Variants in PLCB1 observed in about 807,000 individuals in gnomAD.
PLCB1 encodes the protein phospholipase C beta 1.
Under a neutral mutation model 161.8 loss-of-function variants are expected in PLCB1, and 46 were observed. That is an observed-to-expected ratio of 0.28 (90% CI 0.22 to 0.36). The LOEUF is 0.36. PLCB1 is among the 10% of genes least tolerant of loss of function. The pLI is 1.00. For synonymous variants in PLCB1, 517 were observed against 503.7 expected (o/e 1.03, Z -0.35); for missense variants, 1,016 against 1,472.5 (o/e 0.69, Z 5.07).
chr20:8,591,590 G>C (rs1987152374), intron 3 of PLCB1, among the ~76,000 whole-genome samples: 2 of 152,130 alleles, frequency 1.3e-5, no homozygotes, highest in South Asian at 4.1e-4. Context: ...ACGGAGCAAA[G>C]GTGTCAGTAA....
chr20:8,814,250 T>C (rs1302985416), intron 31 of PLCB1, among the ~76,000 whole-genome samples: 4 of 152,180 alleles, frequency 2.6e-5, no homozygotes. Context: ...GTGGTGTTTG[T>C]CGATGGCATT....
At chr20:8,425,629 AAAAG>A (rs567589127) in intron 3 of PLCB1, among the ~76,000 whole-genome samples, 84 of 152,224 alleles carry the variant, frequency 5.5e-4, no homozygotes, top group African/African-American at 1.9e-3. Context: ...AAAAAAAGAA[AAAAG>A]AAAGAAAAGA....
intron 2 of PLCB1, among the ~76,000 whole-genome samples, chr20:8,296,473 A>T (rs1983637319): frequency 6.6e-6 from 1 of 152,160 alleles, no homozygotes; most frequent in African/African-American, 2.4e-5. Flanking sequence ...CATTTTGTCT[A>T]GCTGAGGTAA....
At chr20:8,331,680 G>A (rs983006342) in intron 2 of PLCB1, among the ~76,000 whole-genome samples, 3 of 152,196 alleles carry the variant, frequency 2.0e-5, no homozygotes, top group Non-Finnish European at 4.4e-5. Context: ...TGTTAAAGTG[G>A]TGTTATTTTG....
At chr20:8,261,057 G>A (rs965432285) in intron 2 of PLCB1, among the ~76,000 whole-genome samples, 5 of 152,116 alleles carry the variant, frequency 3.3e-5, no homozygotes, top group African/African-American at 9.7e-5. Context: ...CCAAGGGATC[G>A]GGTGGGGACT....
At chr20:8,244,590 C>T (rs1980783047) in intron 2 of PLCB1, among the ~76,000 whole-genome samples, 1 of 151,666 alleles carries the variant, frequency 6.6e-6, no homozygotes, top group Non-Finnish European at 1.5e-5. Flanking sequence ...AGGGTTTTTC[C>T]AGGAAAGGGG....
intron 2 of PLCB1, among the ~76,000 whole-genome samples, chr20:8,155,773 A>G (rs1297154650): frequency 6.6e-6 from 1 of 152,208 alleles, no homozygotes; most frequent in Non-Finnish European, 1.5e-5. Context: ...GAGTGATTAA[A>G]TGCAATGATG....
intron 3 of PLCB1, among the ~76,000 whole-genome samples, chr20:8,398,977 A>G (rs1468885255): frequency 6.7e-6 from 1 of 149,658 alleles, no homozygotes; most frequent in Non-Finnish European, 1.5e-5. Flanking sequence ...TTTTATTTTT[A>G]TCTAGTCAAT....
chr20:8,313,913 T>G (rs1462548555), intron 2 of PLCB1, among the ~76,000 whole-genome samples: 1 of 152,224 alleles, frequency 6.6e-6, no homozygotes, highest in Non-Finnish European at 1.5e-5. Flanking sequence ...ATGATTATTT[T>G]TATCTGTATA....
At chr20:8,228,553 G>A (rs946050162) in intron 2 of PLCB1, among the ~76,000 whole-genome samples, 4 of 152,116 alleles carry the variant, frequency 2.6e-5, no homozygotes, top group Non-Finnish European at 4.4e-5. Context: ...CCAGGCTGGA[G>A]TGCAGTGGCA....
intron 21 of PLCB1, 84 bp from the exon 22 acceptor site, chr20:8,740,260 A>G: frequency 1.4e-6 from 1 of 719,190 alleles, no homozygotes; most frequent in Non-Finnish European, 2.4e-6. Flanking sequence ...CCTGAAATAC[A>G]TGCTTTCATC....
At chr20:8,782,062 A>T (rs1026638445) in intron 27 of PLCB1, among the ~76,000 whole-genome samples, 2 of 152,212 alleles carry the variant, frequency 1.3e-5, no homozygotes, top group Admixed American at 6.5e-5. Flanking sequence ...AATTTCAAAG[A>T]TTATTATAAC....
At chr20:8,713,018 C>G (rs1007374708) in intron 12 of PLCB1, among the ~76,000 whole-genome samples, 2 of 152,144 alleles carry the variant, frequency 1.3e-5, no homozygotes, top group African/African-American at 4.8e-5. Context: ...TTTCCTCTGA[C>G]TTTTTCAATT....
chr20:8,733,807 T>C (rs111528126), intron 19 of PLCB1, among the ~76,000 whole-genome samples: 1 of 146,620 alleles, frequency 6.8e-6, no homozygotes, highest in African/African-American at 2.5e-5. Flanking sequence ...ATAATAATAA[T>C]AATAATAATA....
rs937703097 is a variant in PLCB1, at chr20:8,859,575, GT to G, written c.3424-22037del. Among the ~76,000 whole-genome samples, 281 of 148,922 alleles carry G rather than the reference GT, an allele frequency of 1.9e-3. 3 individuals carry two copies. Among genetic ancestry groups the G allele is most frequent in the African/African-American group, 6.5e-3 (264 of 40,668 alleles). The stretch of plus-strand genomic sequence containing the variant: ...ATGGTTAGCTTTTGAAAACCTTTTG[GT>G]TTTTTTTTTAACTTCAGTCTTCTAG... On this transcript the variant is annotated intron_variant, in intron 31 of 31. Coordinates refer to ENST00000338037, the MANE Select transcript of PLCB1 (RefSeq NM_015192.4).
chr20:8,154,684 CTA>C (rs1039016949), intron 2 of PLCB1, among the ~76,000 whole-genome samples: 2 of 152,162 alleles, frequency 1.3e-5, no homozygotes, highest in Admixed American at 6.5e-5. Context: ...GCCTGATTTG[CTA>C]GTAAACTGTG....
intron 31 of PLCB1, among the ~76,000 whole-genome samples, chr20:8,807,123 G>A (rs1192447012): frequency 6.6e-6 from 1 of 152,178 alleles, no homozygotes; most frequent in Non-Finnish European, 1.5e-5. Context: ...ACCTTTTTAT[G>A]ATCTCTTTTG....
intron 31 of PLCB1, among the ~76,000 whole-genome samples, chr20:8,863,521 G>A (rs987860971): frequency 5.3e-5 from 8 of 152,252 alleles, no homozygotes; most frequent in East Asian, 3.9e-4. Flanking sequence ...CAAAGCTTCC[G>A]ACTTAGTAAG....
Position 8,214,300 on chromosome 20 carries a change from C to T in PLCB1, c.177+63929C>T, listed in dbSNP as rs573957981. On this transcript the variant is annotated intron_variant, in intron 2 of 31. Coordinates refer to ENST00000338037, the MANE Select transcript of PLCB1 (RefSeq NM_015192.4). ...GATGGGATCATGGAAGCGGATTTCT[C>T]ATGAATGGTTTAGCGCCATCCTCTT... Among the ~76,000 whole-genome samples the T allele has an allele frequency of 7.0e-4, 107 of 152,220 alleles. 1 individual carries two copies. The highest frequency in any genetic ancestry group is 3.4e-3 in the Middle Eastern group (1 of 294).
Sources: allele counts gnomAD v4.1 joint callset (sites outside exome capture counted in the v4.1 genomes callset), GRCh38; gene constraint gnomAD v4.1.1; transcripts MANE v1.5; gene names NCBI Gene and HGNC (gene_info 2026-07-23, HGNC 2026-07-21).